Variants in CUX2 observed in about 807,000 individuals in gnomAD.
CUX2 encodes the protein cut like homeobox 2.
Under a neutral mutation model 144.8 loss-of-function variants are expected in CUX2, and 40 were observed. The observed-to-expected ratio is 0.28, with a 90% confidence interval of 0.21 to 0.36. The LOEUF (loss-of-function observed/expected upper bound fraction) is 0.36. CUX2 is among the 10% of genes least tolerant of loss of function. CUX2 has a pLI of 1.00. For synonymous variants in CUX2, 827 were observed against 875.6 expected (o/e 0.94, Z 0.98); for missense variants, 1,615 against 1,994.0 (o/e 0.81, Z 3.62).
chr12:111,294,613 C>T (rs186586677), intron 6 of CUX2, among the ~76,000 whole-genome samples: 2,555 of 146,976 alleles, frequency 0.017, 77 homozygotes, highest in African/African-American at 0.06. Flanking sequence ...AGAAAGAAAA[C>T]AGGCCGGGCG....
intron 1 of CUX2, among the ~76,000 whole-genome samples, chr12:111,209,374 A>G (rs1021441410): frequency 6.6e-6 from 1 of 152,218 alleles, no homozygotes; most frequent in South Asian, 2.1e-4. Flanking sequence ...AGCCTGGGTG[A>G]CAGAGCAAGA....
Position 111,304,781 on chromosome 12 carries a change from T to C in CUX2, c.858+467T>C, listed in dbSNP as rs567482491. 1.3e-5 allele frequency among the ~76,000 whole-genome samples: 2 copies of C among 152,334 alleles called. No homozygotes were observed. The highest frequency in any genetic ancestry group is 4.8e-5 in the African/African-American group (2 of 41,578). ...ACACCGGTCATAGCAGCTTTGTGCA[T>C]GCTTGGGATGGTGATGCCCCTGCTG... On this transcript the variant is annotated intron_variant, in intron 10 of 21. Coordinates refer to ENST00000261726, the MANE Select transcript of CUX2 (RefSeq NM_015267.4). This position sits in a 1 kb window ranked among gnomAD's most constrained non-coding sequence, Gnocchi z 4.7.
chr12:111,334,614 C>G lies in CUX2; in HGVS notation c.3100C>G (p.Pro1034Ala). The G allele has an allele frequency of 6.2e-7, 1 of 1,614,036 alleles. No individual in the cohort carries two copies. The highest frequency in any genetic ancestry group is 8.5e-7 in the Non-Finnish European group (1 of 1,180,040). The change falls in exon 19 of 22, where the codon CCA (proline) becomes GCA (alanine). Residue 1034 changes from proline to alanine, a missense_variant. Physicochemically the swap from Pro to Ala is conservative, Grantham distance 27. Transcript: ENST00000261726. ...SGKMYSGSQA[P>A]GGIQEIVAMS... Reference sequence around the variant, plus strand: ...GAAGATGTACTCAGGCAGCCAGGCCCCAGGGGGCATCCAGGAGATCGTGGC... The same window carrying G: ...GAAGATGTACTCAGGCAGCCAGGCCGCAGGGGGCATCCAGGAGATCGTGGC...
intron 1 of CUX2, among the ~76,000 whole-genome samples, chr12:111,041,202 G>A (rs192834254): frequency 7.8e-4 from 119 of 152,298 alleles, no homozygotes; most frequent in Non-Finnish European, 9.0e-4. Flanking sequence ...AATAGTCTCC[G>A]CCTTCTAGGT....
At chr12:111,151,812 G>A (rs1219363651) in intron 1 of CUX2, among the ~76,000 whole-genome samples, 2 of 152,104 alleles carry the variant, frequency 1.3e-5, no homozygotes, top group Admixed American at 1.3e-4. Context: ...GATGGTTCGG[G>A]CATCTTTGTT....
intron 3 of CUX2, among the ~76,000 whole-genome samples, chr12:111,254,695 G>A (rs74483132): frequency 1.3e-5 from 2 of 152,148 alleles, no homozygotes; most frequent in Non-Finnish European, 2.9e-5. Context: ...ACACCTGAGG[G>A]TTCAAAATGA....
At chr12:111,250,638 C>A (rs1565872874) in intron 3 of CUX2, among the ~76,000 whole-genome samples, 1 of 152,170 alleles carries the variant, frequency 6.6e-6, no homozygotes, top group Non-Finnish European at 1.5e-5. Flanking sequence ...GGGCTGGTGG[C>A]AATTGTCTGT....
rs1291037781 is a variant in CUX2 at position 111,287,642 on chromosome 12, G to A, written c.302-3776G>A. Among the ~76,000 whole-genome samples, 1 of 152,236 alleles carries A rather than the reference G, an allele frequency of 6.6e-6. No individual in the cohort carries two copies. The highest frequency in any genetic ancestry group is 2.4e-5 in the African/African-American group (1 of 41,456). Reference sequence around the variant, plus strand: ...TTACATCAGCCCGGGGAGACATAATGGCATACCCTGCTGCGCAGGCCCTGC... The same window carrying A: ...TTACATCAGCCCGGGGAGACATAATAGCATACCCTGCTGCGCAGGCCCTGC... On this transcript the variant is annotated intron_variant, in intron 4 of 21. Coordinates refer to ENST00000261726, the MANE Select transcript of CUX2 (RefSeq NM_015267.4). This position sits in a 1 kb window ranked among gnomAD's most constrained non-coding sequence, Gnocchi z 4.2.
At chr12:111,043,058 A>G (rs976307774) in intron 1 of CUX2, among the ~76,000 whole-genome samples, 1 of 152,208 alleles carries the variant, frequency 6.6e-6, no homozygotes, top group Middle Eastern at 3.2e-3. Flanking sequence ...AGAACTGTAC[A>G]TTCACCACTT....
In CUX2 at chr12:111,284,574, C is replaced by T. The variant is rs1464446902; in HGVS notation, c.302-6844C>T. Among the ~76,000 whole-genome samples the T allele has an allele frequency of 2.6e-5, 4 of 152,166 alleles. No homozygotes were observed. In the East Asian group the frequency reaches 7.7e-4, roughly 29 times the overall value. ...TTAGGTTTCACATCTTCATAGTAAC[C>T]TTGGTAGATGCAGTTAGTGTCACCA... On this transcript the variant is annotated intron_variant, in intron 4 of 21. Transcript: ENST00000261726.
Position 111,255,823 on chromosome 12 carries a change from A to T in CUX2, c.223-7938A>T, listed in dbSNP as rs1379406274. On this transcript the variant is annotated intron_variant, in intron 3 of 21. Coordinates refer to ENST00000261726, the MANE Select transcript of CUX2 (RefSeq NM_015267.4). The surrounding 1 kb of genome is among the most constrained non-coding windows in gnomAD (Gnocchi z 4.1). ...AAATCAGCCAATCGAAGTAGCTGTT[A>T]CCCCCATTTTCCGGGTGGTAGGAAA... is the stretch of plus-strand genomic sequence containing the variant. Among the ~76,000 whole-genome samples, 2 of 152,104 alleles carry T rather than the reference A, an allele frequency of 1.3e-5. No homozygotes were observed. Among genetic ancestry groups the T allele is most frequent in the Admixed American group, 1.3e-4 (2 of 15,272 alleles).
rs1332229332 is a variant in CUX2, at chr12:111,034,762, G to C, written c.63+522G>C. ...GAGGAGGAGAGAGGAGGAGGGAGCC[G>C]GGGTTGGCGAGGAGGCGGCTCCGCG... On this transcript the variant is annotated intron_variant, in intron 1 of 21. Coordinates refer to ENST00000261726, the MANE Select transcript of CUX2 (RefSeq NM_015267.4). The surrounding 1 kb of genome is among the most constrained non-coding windows in gnomAD (Gnocchi z 4.2). 6.7e-6 allele frequency among the ~76,000 whole-genome samples: 1 copy of C among 150,350 alleles called. No individual in the cohort carries two copies. Among genetic ancestry groups the C allele is most frequent in the Non-Finnish European group, 1.5e-5 (1 of 66,994 alleles).
chr12:111,147,263 T>C (rs1437306992), intron 1 of CUX2, among the ~76,000 whole-genome samples: 1 of 152,240 alleles, frequency 6.6e-6, no homozygotes, highest in Non-Finnish European at 1.5e-5. Context: ...AAGCTGGAAA[T>C]TGAACCAGTT....
chr12:111,335,558 A>T (rs1290656217), intron 19 of CUX2, among the ~76,000 whole-genome samples: 1 of 151,932 alleles, frequency 6.6e-6, no homozygotes, highest in Non-Finnish European at 1.5e-5. Context: ...TAAAAATACA[A>T]AAAGTAGCCG....
intron 1 of CUX2, among the ~76,000 whole-genome samples, chr12:111,147,175 C>T (rs1876735745): frequency 6.6e-6 from 1 of 152,280 alleles, no homozygotes; most frequent in South Asian, 2.1e-4. Flanking sequence ...TGCATGCATG[C>T]TCTGATCTCC....
Position 111,034,344 on chromosome 12 carries a change from C to T in CUX2, c.63+104C>T. ...CGGGCAGGCGGACGCCCTGGGGCGG[C>T]GGGCGGCGGCTGCCGGGGCTCGCCG... On this transcript the variant is annotated intron_variant, in intron 1 of 21. Coordinates refer to ENST00000261726, the MANE Select transcript of CUX2 (RefSeq NM_015267.4). The surrounding 1 kb of genome is among the most constrained non-coding windows in gnomAD (Gnocchi z 4.2). The T allele has an allele frequency of 3.6e-6, 2 of 556,890 alleles. No homozygotes were observed. The highest frequency in any genetic ancestry group is 4.6e-6 in the Non-Finnish European group (2 of 433,276). 34.5% of individuals were successfully genotyped at this position (556,890 alleles called of 1,614,324 possible). A position where few individuals can be genotyped will look rare whatever the true frequency, so the allele number is the denominator to read the frequency against.
At chr12:111,216,725 C>CTCTTGA (rs1269790868) in intron 2 of CUX2, among the ~76,000 whole-genome samples, 4 of 152,192 alleles carry the variant, frequency 2.6e-5, no homozygotes, top group Non-Finnish European at 5.9e-5. Flanking sequence ...ACCCATGGCC[C>CTCTTGA]CTTATGGTCA....
At chr12:111,283,454 A>G (rs926000400) in intron 4 of CUX2, among the ~76,000 whole-genome samples, 1 of 152,186 alleles carries the variant, frequency 6.6e-6, no homozygotes, top group African/African-American at 2.4e-5. Flanking sequence ...CACCTTCCAC[A>G]GCTGCCACGA....
chr12:111,226,389 G>A (rs1256702250), intron 3 of CUX2, among the ~76,000 whole-genome samples: 2 of 152,116 alleles, frequency 1.3e-5, no homozygotes, highest in Non-Finnish European at 2.9e-5. Context: ...ACATCCTTCC[G>A]AATTTAATAT....
Sources: gnomAD v4.1 joint callset for allele counts (sites outside exome capture counted in the v4.1 genomes callset) on GRCh38, gnomAD v4.1.1 for gene constraint, Gnocchi (gnomAD v3.1) non-coding constraint, MANE v1.5 for transcripts, NCBI Gene and HGNC (gene_info 2026-07-23, HGNC 2026-07-21) for gene names.